MPPED2: variants seen among roughly 807,000 people sequenced by gnomAD.
MPPED2 encodes metallophosphoesterase domain containing 2.
Under a neutral mutation model 33.0 loss-of-function variants are expected in MPPED2, and 5 were observed. The observed-to-expected ratio is 0.15, with a 90% confidence interval of 0.08 to 0.32. The LOEUF is 0.32. Ranked by LOEUF, MPPED2 falls within the 10% of genes least tolerant of loss-of-function variation. The probability of loss-of-function intolerance (pLI) is 1.00; values close to 1 mark genes in which losing one functional copy is unlikely to be tolerated. For synonymous variants in MPPED2, 136 were observed against 141.9 expected (o/e 0.96, Z 0.29); for missense variants, 275 against 372.1 (o/e 0.74, Z 2.15).
At chr11:30,475,145 A>G (rs1365460388) in intron 4 of MPPED2, among the ~76,000 whole-genome samples, 1 of 152,120 alleles carries the variant, frequency 6.6e-6, no homozygotes, top group East Asian at 1.9e-4. Context: ...CTCTCCCACT[A>G]CAGAAGTGAC....
chr11:30,395,879 ATT>A (rs1158507319), intron 6 of MPPED2, among the ~76,000 whole-genome samples: 1 of 152,154 alleles, frequency 6.6e-6, no homozygotes, highest in Admixed American at 6.5e-5. Flanking sequence ...CACTCTCAAG[ATT>A]TACAGGCACT....
intron 4 of MPPED2, among the ~76,000 whole-genome samples, chr11:30,493,689 C>T (rs1565122654): frequency 6.6e-6 from 1 of 151,724 alleles, no homozygotes; most frequent in Non-Finnish European, 1.5e-5. Context: ...GGCTCTAGGG[C>T]CTAAATGACT....
intron 4 of MPPED2, among the ~76,000 whole-genome samples, chr11:30,451,099 G>C (rs924023133): frequency 1.3e-5 from 2 of 152,176 alleles, no homozygotes; most frequent in African/African-American, 2.4e-5. Flanking sequence ...CCCCTAACTA[G>C]CTGTAGGGGT....
At chr11:30,487,765 T>C (rs3781846) in intron 4 of MPPED2, among the ~76,000 whole-genome samples, 46,628 of 152,024 alleles carry the variant, frequency 0.31, 7,587 homozygotes, top group Middle Eastern at 0.44. Context: ...CACAAGTCAC[T>C]GCACCTGGCC....
chr11:30,390,598 T>C (rs896547130), intron 6 of MPPED2, among the ~76,000 whole-genome samples: 2 of 152,240 alleles, frequency 1.3e-5, no homozygotes, highest in Admixed American at 6.5e-5. Context: ...ACCCTTATGC[T>C]GCTCTGAACT....
At chr11:30,496,893 T>A (rs1952289393) in intron 3 of MPPED2, among the ~76,000 whole-genome samples, 1 of 152,178 alleles carries the variant, frequency 6.6e-6, no homozygotes, top group South Asian at 2.1e-4. Context: ...TACTGCCTTT[T>A]CTTTAGTTAT....
intron 6 of MPPED2, among the ~76,000 whole-genome samples, chr11:30,390,550 C>T (rs1947759485): frequency 6.6e-6 from 1 of 152,200 alleles, no homozygotes; most frequent in South Asian, 2.1e-4. Context: ...CCATTGATTG[C>T]CCTGTGGCAG....
chr11:30,416,778 G>T (rs1948381322), intron 5 of MPPED2, among the ~76,000 whole-genome samples: 2 of 152,220 alleles, frequency 1.3e-5, no homozygotes, highest in Non-Finnish European at 2.9e-5. Flanking sequence ...TGGGTACTGA[G>T]TAGATGTGGG....
At chr11:30,538,953 C>T (rs1421225944) in intron 2 of MPPED2, among the ~76,000 whole-genome samples, 1 of 152,086 alleles carries the variant, frequency 6.6e-6, no homozygotes, top group Non-Finnish European at 1.5e-5. Flanking sequence ...TGCAACATGC[C>T]AAAGCCACTC....
At chr11:30,584,946 T>C (rs942013427) in intron 1 of MPPED2, 1 of 152,352 alleles carries the variant, frequency 6.6e-6, no homozygotes, top group Non-Finnish European at 1.5e-5. Flanking sequence ...TCAAATCAAT[T>C]ATACATTTTT....
chr11:30,461,365 GTAAAT>G (rs563210113), intron 4 of MPPED2, among the ~76,000 whole-genome samples: 39 of 152,168 alleles, frequency 2.6e-4, no homozygotes, highest in Non-Finnish European at 4.6e-4. Flanking sequence ...GTTAAAAATG[GTAAAT>G]TTTATGTTAT....
intron 4 of MPPED2, among the ~76,000 whole-genome samples, chr11:30,488,467 G>A (rs546196070): frequency 2.0e-5 from 3 of 152,188 alleles, no homozygotes; most frequent in Non-Finnish European, 2.9e-5. Context: ...AAGGCACCCG[G>A]CAGGCTTTGA....
chr11:30,494,460 A>G (rs1952137660), intron 4 of MPPED2, among the ~76,000 whole-genome samples: 1 of 152,268 alleles, frequency 6.6e-6, no homozygotes, highest in Middle Eastern at 3.4e-3. Context: ...AAAAAGGGCC[A>G]GGAGCGGTGG....
chr11:30,491,114 G>T (rs1951962752), intron 4 of MPPED2, among the ~76,000 whole-genome samples: 2 of 152,272 alleles, frequency 1.3e-5, no homozygotes, highest in South Asian at 4.1e-4. Context: ...TCACCTATGT[G>T]TAAATCTCAG....
chr11:30,541,506 CT>C (rs1475278765), intron 2 of MPPED2, among the ~76,000 whole-genome samples: 1 of 152,156 alleles, frequency 6.6e-6, no homozygotes, highest in Non-Finnish European at 1.5e-5. Context: ...GAACTGTATC[CT>C]TACAAAGCAT....
In MPPED2 at chr11:30,536,114, A is replaced by C. The variant is rs1159678617; in HGVS notation, c.190T>G (p.Ser64Ala). ...PAGHTRFVCI[S>A]DTHSRTDGIQ... ...CCATCTGTTCTGGAGTGTGTGTCTG[A>C]GATGCAGACAAACCGCGTGTGGCCC... Residue 64 changes from serine to alanine, a missense_variant, in exon 3 of 7, where the codon TCA becomes GCA. Physicochemically the swap from Ser to Ala is moderately conservative, Grantham distance 99. Transcript: ENST00000358117. The C allele has an allele frequency of 1.9e-6, 3 of 1,613,234 alleles. No homozygotes were observed. Among genetic ancestry groups the C allele is most frequent in the Non-Finnish European group, 2.5e-6 (3 of 1,179,718 alleles).
chr11:30,394,931 T>C (rs1161203869), intron 6 of MPPED2, among the ~76,000 whole-genome samples: 1 of 152,210 alleles, frequency 6.6e-6, no homozygotes, highest in Non-Finnish European at 1.5e-5. Context: ...AGTTAAATTG[T>C]TCAACACCAT....
intron 2 of MPPED2, among the ~76,000 whole-genome samples, chr11:30,556,607 G>T (rs1424343051): frequency 6.6e-6 from 1 of 152,152 alleles, no homozygotes; most frequent in East Asian, 1.9e-4. Context: ...AAAGTTGTGT[G>T]TCATTGACAA....
chr11:30,522,420 ACAC>A (rs1953925683), intron 3 of MPPED2, among the ~76,000 whole-genome samples: 3 of 142,018 alleles, frequency 2.1e-5, no homozygotes, highest in Non-Finnish European at 4.7e-5. Flanking sequence ...ACACACACAC[ACAC>A]CTAGAAAGAG....
Sources: gnomAD v4.1 joint callset for allele counts (sites outside exome capture counted in the v4.1 genomes callset) on GRCh38, gnomAD v4.1.1 for gene constraint, MANE v1.5 for transcripts, NCBI Gene and HGNC (gene_info 2026-07-23, HGNC 2026-07-21) for gene names.